Variants in ERBB4 observed in about 807,000 individuals in gnomAD.
ERBB4 encodes erb-b2 receptor tyrosine kinase 4.
A neutral mutation model predicts 158.0 loss-of-function variants in ERBB4; 42 were observed. The observed-to-expected ratio is 0.27, with a 90% CI of 0.21 to 0.34. The LOEUF is 0.34. ERBB4 is among the 10% of genes least tolerant of loss of function. The pLI is 1.00. For missense variants in ERBB4, 1,333 were observed against 1,624.1 expected, an observed-to-expected ratio of 0.82 and a Z score of 3.08; for synonymous variants, 583 against 558.7, an observed-to-expected ratio of 1.04 and a Z score of -0.61.
intron 20 of ERBB4, among the ~76,000 whole-genome samples, chr2:211,487,865 A>C (rs1049680802): frequency 5.3e-5 from 8 of 152,056 alleles, no homozygotes; most frequent in Admixed American, 5.2e-4. Flanking sequence ...TAATGAAGAG[A>C]GAGGAAAAGT....
At chr2:211,916,822 A>G (rs2079706248) in intron 3 of ERBB4, among the ~76,000 whole-genome samples, 2 of 152,190 alleles carry the variant, frequency 1.3e-5, no homozygotes, top group South Asian at 4.1e-4. Context: ...AAGAATGTTT[A>G]ATAGGAAAGA....
At chr2:212,490,003 C>T (rs1271334934) in intron 1 of ERBB4, among the ~76,000 whole-genome samples, 1 of 151,824 alleles carries the variant, frequency 6.6e-6, no homozygotes, top group East Asian at 1.9e-4. Flanking sequence ...GAATATTGAA[C>T]TACTTGCAGT....
chr2:211,452,150 G>A (rs1445733059), intron 20 of ERBB4, among the ~76,000 whole-genome samples: 1 of 151,908 alleles, frequency 6.6e-6, no homozygotes, highest in African/African-American at 2.4e-5. Flanking sequence ...TTTGATTTCT[G>A]TCTCAGATAA....
intron 5 of ERBB4, among the ~76,000 whole-genome samples, chr2:211,736,900 T>C (rs2074618342): frequency 6.6e-6 from 1 of 152,144 alleles, no homozygotes; most frequent in South Asian, 2.1e-4. Context: ...TTAAAGCTTT[T>C]ATGCATGATT....
chr2:212,291,537 G>A (rs139399750), intron 1 of ERBB4, among the ~76,000 whole-genome samples: 2 of 152,060 alleles, frequency 1.3e-5, no homozygotes, highest in Non-Finnish European at 2.9e-5. Flanking sequence ...TGCATCACAG[G>A]TGCCATTTAG....
At chr2:212,225,390 G>A (rs942350843) in intron 1 of ERBB4, among the ~76,000 whole-genome samples, 11 of 151,932 alleles carry the variant, frequency 7.2e-5, no homozygotes, top group African/African-American at 2.7e-4. Context: ...ATTTACATGA[G>A]GCTGGAATAA....
Position 212,494,875 on chromosome 2 carries a change from A to G in ERBB4, c.82+43574T>C, listed in dbSNP as rs1289486724. Among the ~76,000 whole-genome samples the G allele has an allele frequency of 2.0e-5, 3 of 152,138 alleles. No homozygotes were observed. The East Asian group carries it at 5.8e-4, about 29-fold the overall frequency. On this transcript the variant is annotated intron_variant, in intron 1 of 27. Coordinates refer to ENST00000342788, the MANE Select transcript of ERBB4 (RefSeq NM_005235.3). Reference sequence around the variant, plus strand: ...TCCTCCCTGTTAGTCATTAATCCCTATGAAATGCCCAGCTATTGCTTAATT... The same window carrying G: ...TCCTCCCTGTTAGTCATTAATCCCTGTGAAATGCCCAGCTATTGCTTAATT...
chr2:211,889,093 G>T (rs1202947687), intron 3 of ERBB4, among the ~76,000 whole-genome samples: 18 of 142,154 alleles, frequency 1.3e-4, no homozygotes, highest in African/African-American at 4.3e-4. Context: ...ACCTCTGGGG[G>T]CAGGGCACAG....
At chr2:212,271,322 A>T (rs913231172) in intron 1 of ERBB4, among the ~76,000 whole-genome samples, 2 of 151,824 alleles carry the variant, frequency 1.3e-5, no homozygotes, top group African/African-American at 4.8e-5. Context: ...TACCATGCTT[A>T]TATAAAAGTG....
chr2:211,671,620 A>G (rs2071842606), intron 14 of ERBB4, among the ~76,000 whole-genome samples: 1 of 152,184 alleles, frequency 6.6e-6, no homozygotes, highest in African/African-American at 2.4e-5. Flanking sequence ...TAGAGGGCCT[A>G]TGATGATTCC....
chr2:211,486,574 A>G (rs1356502415), intron 20 of ERBB4, among the ~76,000 whole-genome samples: 1 of 152,082 alleles, frequency 6.6e-6, no homozygotes, highest in Non-Finnish European at 1.5e-5. Context: ...TTTGCTTTTG[A>G]TACGTAACAG....
At chr2:211,479,268 C>T (rs2065027855) in intron 20 of ERBB4, among the ~76,000 whole-genome samples, 1 of 152,116 alleles carries the variant, frequency 6.6e-6, no homozygotes, top group South Asian at 2.1e-4. Flanking sequence ...AAATAGCTCC[C>T]CTCTATTTCT....
chr2:211,595,506 A>G (rs1454209035), intron 19 of ERBB4, among the ~76,000 whole-genome samples: 1 of 152,176 alleles, frequency 6.6e-6, no homozygotes, highest in Non-Finnish European at 1.5e-5. Context: ...GAAAGAGCAA[A>G]AAGTACAAAT....
At chr2:211,652,571 G>C (rs1574928119) in intron 16 of ERBB4, among the ~76,000 whole-genome samples, 1 of 152,054 alleles carries the variant, frequency 6.6e-6, no homozygotes, top group East Asian at 1.9e-4. Context: ...ATCACACATG[G>C]GTCACACTGC....
At chr2:211,860,472 A>G (rs1258021978) in intron 3 of ERBB4, among the ~76,000 whole-genome samples, 2 of 152,150 alleles carry the variant, frequency 1.3e-5, no homozygotes, top group African/African-American at 4.8e-5. Context: ...ACAGAGTTGA[A>G]GCAGGATGAA....
chr2:211,752,491 G>GAAA (rs369728330), intron 4 of ERBB4, among the ~76,000 whole-genome samples: 15 of 119,506 alleles, frequency 1.3e-4, no homozygotes, highest in Non-Finnish European at 1.6e-4. Context: ...TACCTAACTG[G>GAAA]AAAAAAAAAA....
chr2:212,088,217 A>T (rs2078672755), intron 2 of ERBB4, among the ~76,000 whole-genome samples: 1 of 152,130 alleles, frequency 6.6e-6, no homozygotes, highest in Non-Finnish European at 1.5e-5. Context: ...TCAAAGGGTT[A>T]TTGAACTGTG....
At chr2:211,863,187 G>A (rs2078111497) in intron 3 of ERBB4, among the ~76,000 whole-genome samples, 2 of 149,204 alleles carry the variant, frequency 1.3e-5, no homozygotes, top group Admixed American at 1.3e-4. Flanking sequence ...TCAGCACTCT[G>A]CAAAAACGCA....
At chr2:212,046,254 C>T (rs574742520) in intron 2 of ERBB4, among the ~76,000 whole-genome samples, 1 of 152,140 alleles carries the variant, frequency 6.6e-6, no homozygotes, top group Non-Finnish European at 1.5e-5. Flanking sequence ...TTTGGTGCTA[C>T]GAGACACCTA....
Sources: allele counts gnomAD v4.1 joint callset (sites outside exome capture counted in the v4.1 genomes callset), GRCh38; gene constraint gnomAD v4.1.1; transcripts MANE v1.5; gene names NCBI Gene and HGNC (gene_info 2026-07-23, HGNC 2026-07-21).